Variants in NFATC1 observed in about 807,000 individuals in gnomAD.
NFATC1 encodes nuclear factor of activated T-cells, cytoplasmic 1.
NFATC1 carries 22 observed loss-of-function variants against 76.0 expected under a neutral mutation model. That is an observed-to-expected ratio of 0.29 (90% confidence interval 0.21 to 0.41). The LOEUF is 0.41. Ranked by LOEUF, NFATC1 falls within the 10% of genes least tolerant of loss-of-function variation. The probability of loss-of-function intolerance (pLI) is 1.00; values close to 1 mark genes in which losing one functional copy is unlikely to be tolerated. For synonymous variants in NFATC1, 704 were observed against 613.1 expected (o/e 1.15, Z -2.19); for missense variants, 1,357 against 1,337.7 (o/e 1.01, Z -0.23).
At chr18:79,488,949 G>C (rs1453044188) in intron 9 of NFATC1, among the ~76,000 whole-genome samples, 1 of 152,142 alleles carries the variant, frequency 6.6e-6, no homozygotes, top group East Asian at 1.9e-4. Flanking sequence ...TAGAGTTCGG[G>C]GTGGGACTTG....
At position 79,521,132 on chromosome 18, in the gene NFATC1, GTGTGTC is replaced by G. The variant is rs199886174; in HGVS notation, c.2783-6390_2783-6385del. ...GTGTGTGGGGGGCGTCTGCTGATGT[GTGTGTC>G]TGTGTGTGTGTGTAGGGGGGGAGCA... On this transcript the variant is annotated intron_variant, in intron 9 of 9. Coordinates refer to ENST00000427363, the MANE Select transcript of NFATC1 (RefSeq NM_001278669.2). 3.0e-3 allele frequency among the ~76,000 whole-genome samples: 270 copies of G among 90,922 alleles called. 14 individuals are homozygous for G. Among genetic ancestry groups the G allele is most frequent in the African/African-American group, 0.012 (252 of 20,460 alleles). 59.6% of individuals were successfully genotyped at this position (90,922 alleles called of 152,430 possible). A position where few individuals can be genotyped will look rare whatever the true frequency, so the allele number is the denominator to read the frequency against.
At chr18:79,414,263 T>C (rs768658893) in intron 2 of NFATC1, among the ~76,000 whole-genome samples, 1 of 152,166 alleles carries the variant, frequency 6.6e-6, no homozygotes, top group Non-Finnish European at 1.5e-5. Context: ...GCTGCACAAC[T>C]AGAAAGCTGT....
intron 9 of NFATC1, among the ~76,000 whole-genome samples, chr18:79,520,531 T>TGTGGGGGGG (rs1555925214): frequency 7.1e-6 from 1 of 141,600 alleles, no homozygotes; most frequent in African/African-American, 2.7e-5. Context: ...ACTCTGTGTG[T>TGTGGGGGGG]GGGGGGGGGA....
intron 7 of NFATC1, among the ~76,000 whole-genome samples, chr18:79,464,503 A>G (rs997800326): frequency 1.3e-4 from 20 of 151,610 alleles, no homozygotes; most frequent in African/African-American, 4.8e-4. Flanking sequence ...ATAAAAAAGG[A>G]AATAAAACCT....
Position 79,401,780 on chromosome 18 carries a change from G to A in NFATC1, c.127+5429G>A, listed in dbSNP as rs187939728. Among the ~76,000 whole-genome samples the A allele has an allele frequency of 4.8e-4, 73 of 152,332 alleles. No homozygotes were observed. The East Asian group carries it at 0.01, about 21-fold the overall frequency. Reference sequence around the variant, plus strand: ...TCCCACACCCGTGCAGTCATCGGGGGTCGGGTGGGACCTCCCAGTACACCC... The same window carrying A: ...TCCCACACCCGTGCAGTCATCGGGGATCGGGTGGGACCTCCCAGTACACCC... On this transcript the variant is annotated intron_variant, in intron 1 of 9. Coordinates refer to ENST00000427363, the MANE Select transcript of NFATC1 (RefSeq NM_001278669.2).
In NFATC1 at chr18:79,527,728, G is replaced by A; in HGVS notation, c.*151G>A. 2 of 688,916 alleles carry A rather than the reference G, an allele frequency of 2.9e-6. No homozygotes were observed. The highest frequency in any genetic ancestry group is 5.0e-6 in the Non-Finnish European group (2 of 400,670). The allele number at this position is 688,916 out of a possible 1,614,324, so 42.7% of individuals were successfully genotyped here. A position where few individuals can be genotyped will look rare whatever the true frequency, so the allele number is the denominator to read the frequency against. ...CTGAACATTAATATGTGCAAAGATTGGCTCTCCAACAAGAAGGAAAGCAGG... is the reference window on the plus strand; with the variant it reads ...CTGAACATTAATATGTGCAAAGATTAGCTCTCCAACAAGAAGGAAAGCAGG... On this transcript the variant is annotated 3_prime_UTR_variant, in exon 10 of 10. Transcript: ENST00000427363.
rs376309289 is a variant in NFATC1 at position 79,450,889 on chromosome 18, G to T, written c.1590-65G>T. 3.2e-5 allele frequency: 50 copies of T among 1,557,318 alleles called. No homozygotes were observed. The African/African-American group carries it at 4.9e-4, about 15-fold the overall frequency. ...GGGATGAGGGCCAGAGGGTCTGGGG[G>T]GCCAGGCCTTTACGCTCCCGCGTCA... On this transcript the variant is annotated intron_variant, in intron 4 of 9. Transcript: ENST00000427363.
At chr18:79,466,377 C>G (rs1368097795) in intron 7 of NFATC1, among the ~76,000 whole-genome samples, 3 of 152,232 alleles carry the variant, frequency 2.0e-5, no homozygotes, top group Admixed American at 1.3e-4. Context: ...CGCCAACCCT[C>G]TCCCCAGATA....
intron 9 of NFATC1, among the ~76,000 whole-genome samples, chr18:79,504,815 G>A (rs574240126): frequency 9.7e-4 from 146 of 150,640 alleles, no homozygotes; most frequent in African/African-American, 3.1e-3. Flanking sequence ...GAGGGAAGAG[G>A]CAGGAGACTG....
chr18:79,431,116 G>A (rs995056782), intron 2 of NFATC1, among the ~76,000 whole-genome samples: 13 of 152,316 alleles, frequency 8.5e-5, no homozygotes, highest in African/African-American at 2.6e-4. Context: ...GCAGGCACCC[G>A]CAGGGCCCAA....
intron 2 of NFATC1, chr18:79,422,448 G>GA (rs2086127434): frequency 6.6e-6 from 1 of 150,398 alleles, no homozygotes; most frequent in South Asian, 2.2e-4. Context: ...TGAACTTGGG[G>GA]ATGAGTGGGT....
Position 79,465,112 on chromosome 18 carries a change from G to A in NFATC1, c.1960-2338G>A, listed in dbSNP as rs956607400. On this transcript the variant is annotated intron_variant, in intron 7 of 9. Transcript: ENST00000427363. This position sits in a 1 kb window ranked among gnomAD's most constrained non-coding sequence, Gnocchi z 4.2. ...AACAGTGGAGTTTAAAGCAGGTTGC[G>A]TAGGTGCTGGTGCCATTTGGAACCC... Among the ~76,000 whole-genome samples the A allele has an allele frequency of 5.3e-5, 8 of 152,114 alleles. No individual in the cohort carries two copies. The highest frequency in any genetic ancestry group is 1.7e-4 in the African/African-American group (7 of 41,376).
chr18:79,480,791 G>A (rs2089245222), intron 8 of NFATC1, among the ~76,000 whole-genome samples: 1 of 152,230 alleles, frequency 6.6e-6, no homozygotes, highest in African/African-American at 2.4e-5. Context: ...AGAGCTGGTG[G>A]GTGAGAGTTT....
intron 2 of NFATC1, among the ~76,000 whole-genome samples, chr18:79,425,055 TTCTCTCTCTGTTTC>T (rs1416980523): frequency 4.6e-5 from 3 of 65,622 alleles, no homozygotes; most frequent in East Asian, 5.9e-4. Context: ...CCGTCTCTGT[TTCTCTCTCTGTTTC>T]TCTCTCTGTC....
rs557540108 is a variant in NFATC1, at chr18:79,491,704, C to A, written c.2782+4767C>A. Among the ~76,000 whole-genome samples the A allele has an allele frequency of 1.8e-3, 269 of 152,344 alleles. 1 individual carries two copies. Among genetic ancestry groups the A allele is most frequent in the Middle Eastern group, 6.8e-3 (2 of 294 alleles). Reference sequence around the variant, plus strand: ...GGCCGCCACCTCCAGGGACAACAAGCCTGGCATGGGGTGCAGATTTAGTCT... The same window carrying A: ...GGCCGCCACCTCCAGGGACAACAAGACTGGCATGGGGTGCAGATTTAGTCT... On this transcript the variant is annotated intron_variant, in intron 9 of 9. Transcript: ENST00000427363.
rs2090688048 is a variant in NFATC1 at position 79,524,187 on chromosome 18, G to T, written c.2783-3341G>T. 1.3e-5 allele frequency among the ~76,000 whole-genome samples: 2 copies of T among 152,148 alleles called. No individual in the cohort carries two copies. The highest frequency in any genetic ancestry group is 1.3e-4 in the Admixed American group (2 of 15,284). On this transcript the variant is annotated intron_variant, in intron 9 of 9. Transcript: ENST00000427363. The surrounding 1 kb of genome is among the most constrained non-coding windows in gnomAD (Gnocchi z 7.2). Reference sequence around the variant, plus strand: ...AGTTGGGGGGTGGGGGGGCGGTCCTGTCTTTCAGCCCAGCGCCAGCGAGCC... The same window carrying T: ...AGTTGGGGGGTGGGGGGGCGGTCCTTTCTTTCAGCCCAGCGCCAGCGAGCC...
At chr18:79,518,174 G>A (rs958647779) in intron 9 of NFATC1, among the ~76,000 whole-genome samples, 5 of 152,216 alleles carry the variant, frequency 3.3e-5, no homozygotes, top group African/African-American at 1.2e-4. Flanking sequence ...AGACTGCATG[G>A]GCCTGGCGTG....
rs750364310 is a variant in NFATC1 at position 79,410,051 on chromosome 18, G to A, written c.128-352G>A. The A allele has an allele frequency of 2.1e-5, 13 of 619,810 alleles. No homozygotes were observed. The highest frequency in any genetic ancestry group is 9.7e-5 in the South Asian group (7 of 72,066). The allele number at this position is 619,810 out of a possible 1,614,324, so 38.4% of individuals were successfully genotyped here. ...TCGCCTCTCTCTGGGAAGGACGTTCGGATGAAGATGGGGTGGTTGGGGAAG... is the reference window on the plus strand; with the variant it reads ...TCGCCTCTCTCTGGGAAGGACGTTCAGATGAAGATGGGGTGGTTGGGGAAG... On this transcript the variant is annotated intron_variant, in intron 1 of 9. Transcript: ENST00000427363. This position sits in a 1 kb window ranked among gnomAD's most constrained non-coding sequence, Gnocchi z 6.7.
At chr18:79,484,815 C>T (rs927206454) in intron 8 of NFATC1, among the ~76,000 whole-genome samples, 1 of 152,122 alleles carries the variant, frequency 6.6e-6, no homozygotes, top group Non-Finnish European at 1.5e-5. Flanking sequence ...ATGGATGACT[C>T]GCGCCTGCCT....
Sources: allele counts gnomAD v4.1 joint callset (sites outside exome capture counted in the v4.1 genomes callset), GRCh38; gene constraint gnomAD v4.1.1; non-coding constraint Gnocchi (gnomAD v3.1); transcripts MANE v1.5; gene names NCBI Gene and HGNC (gene_info 2026-07-23, HGNC 2026-07-21).